The following SRD5A1 variants were observed in gnomAD, a reference collection of about 807,000 sequenced individuals.
The protein encoded by SRD5A1 is 3-oxo-5-alpha-steroid 4-dehydrogenase 1.
In SRD5A1, 22 loss-of-function variants were observed where a neutral mutation model predicts 28.2. That is an observed-to-expected ratio of 0.78 (90% confidence interval 0.56 to 1.12). The LOEUF (loss-of-function observed/expected upper bound fraction) is 1.12. Ranked by LOEUF, SRD5A1 falls within the 50% of genes most tolerant of loss-of-function variation. SRD5A1 has a pLI of 0.00. For missense variants in SRD5A1, 300 were observed against 346.7 expected (o/e 0.87, Z 1.07); for synonymous variants, 151 against 135.0 (o/e 1.12, Z -0.82).
intron 1 of SRD5A1, among the ~76,000 whole-genome samples, chr5:6,649,288 AGAGACGTTTAAGTCTGCT>A (rs2126535608): frequency 6.6e-6 from 1 of 152,338 alleles, no homozygotes; most frequent in South Asian, 2.1e-4. Context: ...GCTGTCAGGC[AGAGACGTTTAAGTCTGCT>A]GAAGCTGCGC....
At chr5:6,645,118 C>A in intron 1 of SRD5A1, 1 of 404,538 alleles carries the variant, frequency 2.5e-6, no homozygotes, top group Non-Finnish European at 5.0e-6. Context: ...ATGTGAATGT[C>A]TTCCCCAGGA....
At chr5:6,643,774 G>T (rs923916647) in intron 1 of SRD5A1, among the ~76,000 whole-genome samples, 1 of 152,066 alleles carries the variant, frequency 6.6e-6, no homozygotes, top group Non-Finnish European at 1.5e-5. Flanking sequence ...CCAATGAGCC[G>T]CCCGATAACC....
intron 4 of SRD5A1, among the ~76,000 whole-genome samples, chr5:6,664,053 C>T (rs1021497127): frequency 4.6e-5 from 7 of 152,078 alleles, no homozygotes; most frequent in Admixed American, 6.6e-5. Flanking sequence ...CTGACATTGG[C>T]GCGTGTCCCT....
chr5:6,639,402 G>A (rs1431903992), intron 1 of SRD5A1, among the ~76,000 whole-genome samples: 4 of 152,174 alleles, frequency 2.6e-5, no homozygotes, highest in African/African-American at 7.2e-5. Context: ...ATACTGTATG[G>A]GTAATTCTGC....
intron 2 of SRD5A1, among the ~76,000 whole-genome samples, chr5:6,653,269 A>G (rs927093704): frequency 3.3e-5 from 5 of 152,174 alleles, no homozygotes; most frequent in Non-Finnish European, 5.9e-5. Flanking sequence ...TCCCTCCTCT[A>G]CAAAAGGAGG....
At chr5:6,666,424 A>C (rs1739182378) in intron 4 of SRD5A1, among the ~76,000 whole-genome samples, 1 of 152,240 alleles carries the variant, frequency 6.6e-6, no homozygotes, top group Non-Finnish European at 1.5e-5. Flanking sequence ...CTGGAATTAC[A>C]GGCGTCAGCC....
At chr5:6,640,742 A>G (rs1329388727) in intron 1 of SRD5A1, among the ~76,000 whole-genome samples, 1 of 152,236 alleles carries the variant, frequency 6.6e-6, no homozygotes, top group Non-Finnish European at 1.5e-5. Flanking sequence ...ATTTAATCTT[A>G]CATTTACTCT....
At position 6,660,784 on chromosome 5, in the gene SRD5A1, A is replaced by C. The variant is rs554779762; in HGVS notation, c.563-2032A>C. 2.6e-4 allele frequency among the ~76,000 whole-genome samples: 40 copies of C among 152,352 alleles called. 1 individual carries two copies. The South Asian group carries it at 8.1e-3, about 31-fold the overall frequency. ...TCACTCTGCTATAAAGAACTACCTG[A>C]GACTGGGTAATTTATGAAGAGAAAA... On this transcript the variant is annotated intron_variant, in intron 3 of 4. Transcript: ENST00000274192.
chr5:6,652,055 T>G (rs1738693964), intron 2 of SRD5A1, 47 bp downstream of exon 2: 2 of 1,550,260 alleles, frequency 1.3e-6, no homozygotes, highest in South Asian at 2.4e-5. Flanking sequence ...ATCATTGCTT[T>G]TATATTGATG....
intron 1 of SRD5A1, among the ~76,000 whole-genome samples, chr5:6,645,627 G>A (rs1415632018): frequency 4.4e-5 from 6 of 137,488 alleles, no homozygotes; most frequent in South Asian, 2.3e-4. Context: ...CCACAAGAGC[G>A]AAACTCCATC....
intron 1 of SRD5A1, among the ~76,000 whole-genome samples, chr5:6,646,033 C>T (rs1007779459): frequency 6.6e-6 from 1 of 152,092 alleles, no homozygotes; most frequent in Admixed American, 6.6e-5. Flanking sequence ...TGTGATGTTC[C>T]CCTCCCTGCG....
rs1739300799 is a variant in SRD5A1 at position 6,669,535 on chromosome 5, A to T, written c.*1267A>T. On this transcript the variant is annotated 3_prime_UTR_variant, in exon 5 of 5. Transcript: ENST00000274192. The stretch of plus-strand genomic sequence containing the variant: ...GCCATTTGTTTCAGTTGTCTTTAAC[A>T]ACATAATAAATAGACTTTGCCATTT... The T allele has an allele frequency of 6.6e-6, 1 of 152,250 alleles. No individual in the cohort carries two copies. The highest frequency in any genetic ancestry group is 2.1e-4 in the South Asian group (1 of 4,836). The allele number at this position is 152,250 out of a possible 1,614,324, so 9.4% of individuals were successfully genotyped here. A position where few individuals can be genotyped will look rare whatever the true frequency, so the allele number is the denominator to read the frequency against.
intron 4 of SRD5A1, among the ~76,000 whole-genome samples, chr5:6,665,949 T>C (rs947050550): frequency 2.0e-5 from 3 of 152,374 alleles, no homozygotes; most frequent in South Asian, 4.1e-4. Flanking sequence ...TTGGTGTCAG[T>C]GTGAAACCAG....
At chr5:6,652,058 T>C (rs1449624217) in intron 2 of SRD5A1, 50 bp downstream of exon 2, 3 of 1,544,582 alleles carry the variant, frequency 1.9e-6, no homozygotes, top group Non-Finnish European at 2.6e-6. Flanking sequence ...ATTGCTTTTA[T>C]ATTGATGTCC....
chr5:6,645,769 A>T (rs1457545835), intron 1 of SRD5A1, among the ~76,000 whole-genome samples: 2 of 152,142 alleles, frequency 1.3e-5, no homozygotes, highest in Admixed American at 6.6e-5. Flanking sequence ...CATTGTGGCC[A>T]GTCTCCACCC....
intron 3 of SRD5A1, among the ~76,000 whole-genome samples, chr5:6,660,287 C>A (rs248800): frequency 0.14 from 21,623 of 152,196 alleles, 1,723 homozygotes; most frequent in East Asian, 0.24. Flanking sequence ...TACCAGTCCA[C>A]CCATACGGTT....
rs542120998 is a variant in SRD5A1, at chr5:6,673,810, A to G, written c.*5542A>G. ...TAACAAAGAGCTATCAAGCCATGAA[A>G]AGATAAGGAAGAACTTTAATGCATA... On this transcript the variant is annotated 3_prime_UTR_variant, in exon 5 of 5. Transcript: ENST00000274192. The G allele has an allele frequency of 6.6e-6, 1 of 152,344 alleles. No homozygotes were observed. The highest frequency in any genetic ancestry group is 1.9e-4 in the East Asian group (1 of 5,192). 9.4% of individuals were successfully genotyped at this position (152,344 alleles called of 1,614,324 possible).
rs556628347 is a variant in SRD5A1, at chr5:6,669,262, C to A, written c.*994C>A. 6.6e-6 allele frequency: 1 copy of A among 152,322 alleles called. No individual in the cohort carries two copies. Among genetic ancestry groups the A allele is most frequent in the South Asian group, 2.1e-4 (1 of 4,828 alleles). The allele number at this position is 152,322 out of a possible 1,614,324, so 9.4% of individuals were successfully genotyped here. ...TTGAAACATAATAATTGTTAAAATTCTCTACAGCCTTCTTTTTCTTCCATA... is the reference window on the plus strand; with the variant it reads ...TTGAAACATAATAATTGTTAAAATTATCTACAGCCTTCTTTTTCTTCCATA... On this transcript the variant is annotated 3_prime_UTR_variant, in exon 5 of 5. Coordinates refer to ENST00000274192, the MANE Select transcript of SRD5A1 (RefSeq NM_001047.4).
Position 6,670,059 on chromosome 5 carries a change from C to G in SRD5A1, c.*1791C>G, listed in dbSNP as rs773228507. The G allele has an allele frequency of 6.6e-6, 1 of 152,354 alleles. No homozygotes were observed. Among genetic ancestry groups the G allele is most frequent in the Non-Finnish European group, 1.5e-5 (1 of 68,172 alleles). The allele number at this position is 152,354 out of a possible 1,614,324, so 9.4% of individuals were successfully genotyped here. A position where few individuals can be genotyped will look rare whatever the true frequency, so the allele number is the denominator to read the frequency against. ...TGGCGCCTGCAGCAGAAAGCAGTGTCCTCTGCACCCCCACTCTCCAGGGAG... is the reference window on the plus strand; with the variant it reads ...TGGCGCCTGCAGCAGAAAGCAGTGTGCTCTGCACCCCCACTCTCCAGGGAG... On this transcript the variant is annotated 3_prime_UTR_variant, in exon 5 of 5. Transcript: ENST00000274192.
Sources: gnomAD v4.1 joint callset for allele counts (sites outside exome capture counted in the v4.1 genomes callset) on GRCh38, gnomAD v4.1.1 for gene constraint, MANE v1.5 for transcripts, NCBI Gene and HGNC (gene_info 2026-07-23, HGNC 2026-07-21) for gene names.